The following SNX25 variants were observed in gnomAD, a reference collection of about 807,000 sequenced individuals.
The protein encoded by SNX25 is sorting nexin 25, also known as sorting nexin-25.
Under a neutral mutation model 113.7 loss-of-function variants are expected in SNX25, and 62 were observed. The observed-to-expected ratio is 0.55, with a 90% CI of 0.44 to 0.67. The LOEUF (loss-of-function observed/expected upper bound fraction) is 0.67. SNX25 is among the 30% of genes least tolerant of loss of function. SNX25 has a pLI of 0.00. For missense variants in SNX25, 1,014 were observed against 1,161.0 expected (o/e 0.87, Z 1.84); for synonymous variants, 421 against 436.2 (o/e 0.97, Z 0.43).
downstream of SNX25, chr4:185,374,160 G>T (rs1275335731): frequency 1.9e-6 from 3 of 1,614,138 alleles, no homozygotes; most frequent in Non-Finnish European, 1.7e-6. Flanking sequence ...GGGCTCCTTG[G>T]TTGAGTAATA....
rs1288185136 is a variant in SNX25 at position 185,303,232 on chromosome 4, C to G, written c.1163-7403C>G. Reference sequence around the variant, plus strand: ...TCTCAAATCTGCTCAGCTCACAGTGCTGATTTGGGAACGGGGTTCTGCTTG... The same window carrying G: ...TCTCAAATCTGCTCAGCTCACAGTGGTGATTTGGGAACGGGGTTCTGCTTG... On this transcript the variant is annotated intron_variant, in intron 6 of 18. Transcript: ENST00000652585. Among the ~76,000 whole-genome samples, 3 of 152,258 alleles carry G rather than the reference C, an allele frequency of 2.0e-5. No homozygotes were observed. The East Asian group carries it at 5.8e-4, about 29-fold the overall frequency.
intron 1 of SNX25, among the ~76,000 whole-genome samples, chr4:185,212,492 T>TG (rs1491296342): frequency 2.2e-3 from 61 of 27,876 alleles, no homozygotes; most frequent in Middle Eastern, 0.023. Context: ...TGTGTGTGTG[T>TG]TTTTTTTTTT....
chr4:185,240,617 C>A (rs1249095689), intron 1 of SNX25, among the ~76,000 whole-genome samples: 3 of 150,706 alleles, frequency 2.0e-5, no homozygotes, highest in African/African-American at 7.3e-5. Context: ...GCGCCCCTCA[C>A]CTCCCGGACG....
intron 6 of SNX25, among the ~76,000 whole-genome samples, chr4:185,308,885 C>T (rs941273142): frequency 2.6e-5 from 4 of 152,122 alleles, no homozygotes; most frequent in Non-Finnish European, 5.9e-5. Flanking sequence ...CTCTCTCCAC[C>T]TAGGTAGCTC....
rs1258878988 is a variant in SNX25 at position 185,258,909 on chromosome 4, G to A, written c.576G>A (p.Glu192=). Residue 192 remains glutamate, a synonymous_variant, in exon 3 of 19, where the codon GAG becomes GAA. Coordinates refer to ENST00000652585, the MANE Select transcript of SNX25 (RefSeq NM_001378034.2). ...GGTATGGAAACCTCAGCAGAGATGA[G>A]GGACAACTTTACCATCTGCTCTTGG... is the stretch of plus-strand genomic sequence containing the variant. ...LSWYGNLSRD[E]GQLYHLLLED... 1.2e-5 allele frequency: 19 copies of A among 1,614,116 alleles called. No homozygotes were observed. The highest frequency in any genetic ancestry group is 1.6e-5 in the Non-Finnish European group (19 of 1,180,010).
chr4:185,312,991 A>G (rs1446884678), intron 7 of SNX25, among the ~76,000 whole-genome samples: 1 of 152,210 alleles, frequency 6.6e-6, no homozygotes, highest in Non-Finnish European at 1.5e-5. Context: ...GACTTTGGTT[A>G]GTTTGGGGCC....
At chr4:185,323,867 A>C (rs1387435019) in intron 9 of SNX25, 67 bp downstream of exon 9, 1 of 1,558,720 alleles carries the variant, frequency 6.4e-7, no homozygotes, top group African/African-American at 1.4e-5. Context: ...AAGTGGGTGC[A>C]TATTGTGTGA....
the SNX25 span, chr4:185,378,122 G>C: frequency 6.2e-7 from 1 of 1,613,772 alleles, no homozygotes; most frequent in Admixed American, 1.7e-5. Flanking sequence ...TTGGTTTTTA[G>C]CAGCATACTG....
chr4:185,245,386 G>C (rs1171647752), intron 1 of SNX25, among the ~76,000 whole-genome samples: 1 of 151,686 alleles, frequency 6.6e-6, no homozygotes, highest in Non-Finnish European at 1.5e-5. Context: ...CTCTCAGGCT[G>C]GAGTGCAGTG....
At chr4:185,239,290 T>C (rs1018493650) in intron 1 of SNX25, among the ~76,000 whole-genome samples, 30 of 151,996 alleles carry the variant, frequency 2.0e-4, no homozygotes, top group East Asian at 7.7e-4. Context: ...GAGACCATCC[T>C]GGCCAACACG....
intron 1 of SNX25, among the ~76,000 whole-genome samples, chr4:185,212,304 A>T (rs529002949): frequency 6.8e-5 from 10 of 146,540 alleles, no homozygotes; most frequent in East Asian, 2.1e-4. Flanking sequence ...AAAAAAAAAA[A>T]TTTTTTTTTA....
intron 1 of SNX25, among the ~76,000 whole-genome samples, chr4:185,242,838 T>G (rs1744274045): frequency 6.6e-6 from 1 of 152,126 alleles, no homozygotes; most frequent in Non-Finnish European, 1.5e-5. Flanking sequence ...AACAAAAGAC[T>G]GTAACAAGGG....
intron 7 of SNX25, among the ~76,000 whole-genome samples, chr4:185,313,150 T>G (rs1487968377): frequency 6.6e-6 from 1 of 152,298 alleles, no homozygotes; most frequent in East Asian, 1.9e-4. Context: ...AGTGAATTTT[T>G]TAAAAGGCAA....
chr4:185,361,741 A>G (rs1429168991), intron 16 of SNX25, among the ~76,000 whole-genome samples, 183 bp from the exon 17 acceptor site: 1 of 152,194 alleles, frequency 6.6e-6, no homozygotes, highest in Admixed American at 6.6e-5. Context: ...CCATCTCAAA[A>G]AATAATAATA....
At chr4:185,370,698 AGAC>A (rs781469283), downstream of SNX25, 5 of 1,614,074 alleles carry the variant, frequency 3.1e-6, no homozygotes, top group Non-Finnish European at 3.4e-6. Flanking sequence ...GCCAAGCTGA[AGAC>A]ACCTTGCGTG....
At chr4:185,223,511 A>G (rs1302540078) in intron 1 of SNX25, among the ~76,000 whole-genome samples, 1 of 152,118 alleles carries the variant, frequency 6.6e-6, no homozygotes, top group Non-Finnish European at 1.5e-5. Context: ...TGCTCTTAGA[A>G]GTCACGGTGG....
intron 2 of SNX25, among the ~76,000 whole-genome samples, chr4:185,249,694 G>A (rs914886727): frequency 2.7e-5 from 4 of 146,724 alleles, no homozygotes; most frequent in African/African-American, 1.0e-4. Context: ...TTTTTTTTCT[G>A]TCTCATCTCC....
downstream of SNX25, chr4:185,371,013 C>A: frequency 3.8e-6 from 2 of 527,940 alleles, no homozygotes; most frequent in South Asian, 2.9e-5. Context: ...GTGGTGACTT[C>A]ACATGTCTCT....
At chr4:185,261,114 C>CTGTGTGTGTG (rs369434936) in intron 3 of SNX25, among the ~76,000 whole-genome samples, 2,066 of 141,704 alleles carry the variant, frequency 0.015, 21 homozygotes, top group Middle Eastern at 0.021. Context: ...CTGTCTGTCT[C>CTGTGTGTGTG]TGTGTGTGTG....
Sources: allele counts gnomAD v4.1 joint callset (sites outside exome capture counted in the v4.1 genomes callset), GRCh38; gene constraint gnomAD v4.1.1; transcripts MANE v1.5; gene names NCBI Gene and HGNC (gene_info 2026-07-23, HGNC 2026-07-21).